MEGF10: variants seen among roughly 807,000 people sequenced by gnomAD.
MEGF10 encodes multiple EGF like domains 10, also known as multiple epidermal growth factor-like domains protein 10.
A neutral mutation model predicts 147.5 loss-of-function variants in MEGF10; 86 were observed. The ratio of observed to expected loss-of-function variants is 0.58; its 90% CI spans 0.49 to 0.70. MEGF10 has a LOEUF of 0.70. Ranked by LOEUF, MEGF10 falls within the 30% of genes least tolerant of loss-of-function variation. The probability of loss-of-function intolerance (pLI) is 0.00; values close to 1 mark genes in which losing one functional copy is unlikely to be tolerated. For missense variants in MEGF10, 1,329 were observed against 1,487.3 expected, an observed-to-expected ratio of 0.89 and a Z score of 1.75; for synonymous variants, 478 against 525.5, an observed-to-expected ratio of 0.91 and a Z score of 1.24.
At chr5:127,426,914 T>G (rs555098650) in intron 13 of MEGF10, among the ~76,000 whole-genome samples, 3 of 152,344 alleles carry the variant, frequency 2.0e-5, no homozygotes, top group African/African-American at 7.2e-5. Context: ...ACCTGGGAAC[T>G]CTTCGAACTT....
intron 19 of MEGF10, chr5:127,444,640 G>A (rs934541260): frequency 3.9e-5 from 6 of 152,096 alleles, no homozygotes; most frequent in African/African-American, 1.4e-4. Flanking sequence ...TGCCTTTAGC[G>A]TTATCACTTG....
In MEGF10 at chr5:127,434,769, C is replaced by G. The variant is rs769455673; in HGVS notation, c.1923C>G (p.Ile641Met). 7 of 1,613,920 alleles carry G rather than the reference C, an allele frequency of 4.3e-6. No homozygotes were observed. The South Asian group carries it at 6.6e-5, about 15-fold the overall frequency. The change falls in exon 15 of 25, where the codon ATC becomes ATG. Residue 641 changes from isoleucine (I) to methionine (M), a missense_variant. By Grantham distance (10) the Ile-to-Met change is conservative. Coordinates refer to ENST00000503335, the MANE Select transcript of MEGF10 (RefSeq NM_001256545.2). Reference sequence around the variant, plus strand: ...ACAGCAGCGGGCCCTGCCACCACATCACCGGCCTGTGTGACTGCTTGCCTG... The same window carrying G: ...ACAGCAGCGGGCCCTGCCACCACATGACCGGCCTGTGTGACTGCTTGCCTG... ...CVHSSGPCHH[I>M]TGLCDCLPGF... is the part of the protein sequence containing the mutation.
chr5:127,410,908 G>C (rs1400055277), intron 9 of MEGF10, among the ~76,000 whole-genome samples: 2 of 152,204 alleles, frequency 1.3e-5, no homozygotes, highest in Non-Finnish European at 2.9e-5. Flanking sequence ...AAGGGATTCT[G>C]TGACATTCCC....
intron 6 of MEGF10, among the ~76,000 whole-genome samples, 189 bp downstream of exon 6, chr5:127,396,967 T>C (rs531778588): frequency 5.3e-5 from 8 of 152,348 alleles, no homozygotes; most frequent in Non-Finnish European, 1.2e-4. Flanking sequence ...GTTTGGCCCT[T>C]GCACATCAGA....
At chr5:127,357,236 C>T (rs1482641703) in intron 4 of MEGF10, among the ~76,000 whole-genome samples, 1 of 152,134 alleles carries the variant, frequency 6.6e-6, no homozygotes, top group Non-Finnish European at 1.5e-5. Flanking sequence ...TTGATGGGGA[C>T]AACTTCTTCT....
chr5:127,451,447 C>T (rs1378718147), intron 22 of MEGF10, among the ~76,000 whole-genome samples: 2 of 152,188 alleles, frequency 1.3e-5, no homozygotes, highest in East Asian at 1.9e-4. Context: ...TTTCTAACCA[C>T]AGTAAAATTA....
At chr5:127,428,918 C>T (rs773161765) in intron 13 of MEGF10, among the ~76,000 whole-genome samples, 2 of 152,218 alleles carry the variant, frequency 1.3e-5, no homozygotes, top group Non-Finnish European at 2.9e-5. Context: ...ATTGCACGAA[C>T]ATTTCTTTAG....
At chr5:127,446,645 G>A (rs988753723) in intron 20 of MEGF10, among the ~76,000 whole-genome samples, 2 of 152,212 alleles carry the variant, frequency 1.3e-5, no homozygotes, top group African/African-American at 2.4e-5. Flanking sequence ...TAAAATGAAA[G>A]TGCAGTTCAG....
intron 7 of MEGF10, among the ~76,000 whole-genome samples, chr5:127,401,538 C>G (rs1019507081): frequency 4.6e-5 from 7 of 152,308 alleles, no homozygotes; most frequent in African/African-American, 1.7e-4. Flanking sequence ...AGGAAACCAT[C>G]TGGTGTTCAC....
the MEGF10 span, among the ~76,000 whole-genome samples, chr5:127,239,878 C>T: frequency 6.6e-6 from 1 of 152,178 alleles, no homozygotes; most frequent in Non-Finnish European, 1.5e-5. Flanking sequence ...GATGACTTCT[C>T]TACCTGTGTC....
chr5:127,280,455 G>T, the MEGF10 span, among the ~76,000 whole-genome samples: 2 of 152,192 alleles, frequency 1.3e-5, no homozygotes, highest in East Asian at 3.9e-4. Context: ...ACTTGTCTTG[G>T]TTTCATAATA....
the MEGF10 span, among the ~76,000 whole-genome samples, chr5:127,259,325 C>T: frequency 6.6e-6 from 1 of 152,192 alleles, no homozygotes; most frequent in African/African-American, 2.4e-5. Context: ...CATGATCTAA[C>T]AGTCTCTATT....
intron 4 of MEGF10, among the ~76,000 whole-genome samples, chr5:127,363,355 A>G (rs1762543826): frequency 6.6e-6 from 1 of 152,158 alleles, no homozygotes; most frequent in Non-Finnish European, 1.5e-5. Flanking sequence ...TGGGTGGTTT[A>G]TGGCACTTAT....
intron 22 of MEGF10, among the ~76,000 whole-genome samples, chr5:127,453,945 C>T (rs1375976118): frequency 6.6e-6 from 1 of 152,208 alleles, no homozygotes; most frequent in African/African-American, 2.4e-5. Flanking sequence ...TCCCTCCCCA[C>T]ACCCACGAAA....
chr5:127,422,648 T>C, intron 12 of MEGF10, 22 bp from the exon 13 acceptor site: 1 of 1,606,222 alleles, frequency 6.2e-7, no homozygotes, highest in South Asian at 1.1e-5. Context: ...CATTGCTGCC[T>C]TTGATGCTGT....
chr5:127,302,615 A>G (rs1350770893), intron 1 of MEGF10, among the ~76,000 whole-genome samples: 2 of 152,216 alleles, frequency 1.3e-5, no homozygotes, highest in Non-Finnish European at 2.9e-5. Context: ...TTTAAAGGTT[A>G]AAAAAGTTAT....
At position 127,340,580 on chromosome 5, in the gene MEGF10, G is replaced by A. The variant is rs778835131; in HGVS notation, c.269G>A (p.Arg90His). 10 of 1,612,856 alleles carry A rather than the reference G, an allele frequency of 6.2e-6. No homozygotes were observed. Among genetic ancestry groups the A allele is most frequent in the Admixed American group, 1.7e-5 (1 of 59,972 alleles). The change falls in exon 4 of 25, where the codon CGC (arginine) becomes CAC (histidine). Residue 90 changes from arginine (R) to histidine (H), a missense_variant. Transcript: ENST00000503335. ...YRHGEKTMYR[R>H]KSQCCPGFYE... The stretch of plus-strand genomic sequence containing the variant: ...CATGGGGAGAAGACTATGTATAGGC[G>A]CAAGTCTCAGTGTTGTCCTGGATTT...
At chr5:127,258,674 T>C in the MEGF10 span, among the ~76,000 whole-genome samples, 1 of 152,170 alleles carries the variant, frequency 6.6e-6, no homozygotes, top group African/African-American at 2.4e-5. Flanking sequence ...AGGTTATGAG[T>C]GTTCCACCCT....
chr5:127,457,242 T>A lies in MEGF10; in HGVS notation c.3347T>A (p.Val1116Asp). 2 of 1,614,156 alleles carry A rather than the reference T, an allele frequency of 1.2e-6. No individual in the cohort carries two copies. Among genetic ancestry groups the A allele is most frequent in the Non-Finnish European group, 1.7e-6 (2 of 1,180,016 alleles). Residue 1116 changes from valine to aspartate, a missense_variant, in exon 25 of 25, where the codon GTC (valine) becomes GAC (aspartate). This residue lies in a region of MEGF10 where 343 missense variants were observed against 377.9 expected (regional missense o/e 0.91). Coordinates refer to ENST00000503335, the MANE Select transcript of MEGF10 (RefSeq NM_001256545.2). ...CCTTGTCATTATGACCTGCTGCCAGTCCGAGACAGTTCATCCTCCCCTAAG... is the reference window on the plus strand; with the variant it reads ...CCTTGTCATTATGACCTGCTGCCAGACCGAGACAGTTCATCCTCCCCTAAG... ...HIPCHYDLLP[V>D]RDSSSSPKQE...
Sources: allele counts gnomAD v4.1 joint callset (sites outside exome capture counted in the v4.1 genomes callset), GRCh38; gene constraint gnomAD v4.1.1; regional missense constraint gnomAD v4.1.1; transcripts MANE v1.5; gene names NCBI Gene and HGNC (gene_info 2026-07-23, HGNC 2026-07-21).